The following UGT2A2 variants were observed in gnomAD, a reference collection of about 807,000 sequenced individuals.
UGT2A2 encodes UDP-glucuronosyltransferase 2A2.
UGT2A2 carries 60 observed loss-of-function variants against 50.7 expected under a neutral mutation model. The observed-to-expected ratio is 1.18, with a 90% CI of 0.96 to 1.47. The LOEUF (loss-of-function observed/expected upper bound fraction) is 1.47. UGT2A2 is among the 40% of genes most tolerant of loss of function. The probability of loss-of-function intolerance (pLI) is 0.00; values close to 1 mark genes in which losing one functional copy is unlikely to be tolerated. For missense variants in UGT2A2, 762 were observed against 634.0 expected (o/e 1.20, Z -2.17); for synonymous variants, 242 against 214.6 (o/e 1.13, Z -1.11).
chr4:69,589,751 T>C (rs1718483992), intron 5 of UGT2A2, 100 bp from the exon 6 acceptor site: 1 of 1,460,206 alleles, frequency 6.8e-7, no homozygotes, highest in East Asian at 2.3e-5. Context: ...TTTAAGGCCA[T>C]AGTTACGTGG....
In UGT2A2 at chr4:69,639,562, C is replaced by G. The variant is rs1432081771; in HGVS notation, c.79G>C (p.Val27Leu). The change falls in exon 1 of 6, where the codon GTT (valine) becomes CTT (leucine). Residue 27 changes from valine (V) to leucine (L), a missense_variant. Physicochemically the swap from Val to Leu is conservative, Grantham distance 32. Coordinates refer to ENST00000604629, the MANE Select transcript of UGT2A2 (RefSeq NM_001105677.2). ...CAAATTAACACATTCCCACTTAGAA[C>G]AACTTCAGTCAGAGTCAAATTAAAA... The part of the protein sequence containing the change: ...LVFNLTLTEV[V>L]LSGNVLIWPT... 2 of 1,611,816 alleles carry G rather than the reference C, an allele frequency of 1.2e-6. No individual in the cohort carries two copies. Among genetic ancestry groups the G allele is most frequent in the South Asian group, 2.2e-5 (2 of 90,558 alleles).
chr4:69,599,521 TATC>T (rs1174006460), intron 1 of UGT2A2, 127 bp from the exon 2 acceptor site: 1 of 1,317,000 alleles, frequency 7.6e-7, no homozygotes, highest in East Asian at 2.5e-5. Context: ...CTAGAATACT[TATC>T]ATGTTTATAT....
rs1399967070 is a variant in UGT2A2, at chr4:69,639,281, T to C, written c.360A>G (p.Leu120=). ...GAAAGAAAGTGTCTAGAAGTTTTCC[T>C]AGTTCTTTGTAGAAAGCCCATATTG... ...PLTIWAFYKE[L]GKLLDTFFQI... is the part of the protein sequence containing the mutation. The change falls in exon 1 of 6, where the codon CTA becomes CTG. Residue 120 remains leucine, a synonymous_variant. Coordinates refer to ENST00000604629, the MANE Select transcript of UGT2A2 (RefSeq NM_001105677.2). 1.2e-6 allele frequency: 2 copies of C among 1,613,748 alleles called. No individual in the cohort carries two copies. The highest frequency in any genetic ancestry group is 1.7e-6 in the Non-Finnish European group (2 of 1,179,758).
intron 1 of UGT2A2, among the ~76,000 whole-genome samples, chr4:69,615,033 C>A (rs1560479833): frequency 6.6e-6 from 1 of 151,900 alleles, no homozygotes; most frequent in Non-Finnish European, 1.5e-5. Flanking sequence ...TGAGAACTCA[C>A]TATCACAAGA....
intron 1 of UGT2A2, among the ~76,000 whole-genome samples, chr4:69,607,750 G>C (rs2109909180): frequency 6.6e-6 from 1 of 152,292 alleles, no homozygotes; most frequent in South Asian, 2.1e-4. Flanking sequence ...CCATCAACAA[G>C]TGGGTGAAGG....
chr4:69,603,645 T>C (rs1378848543), intron 1 of UGT2A2: 2 of 135,506 alleles, frequency 1.5e-5, no homozygotes, highest in Non-Finnish European at 3.1e-5. Flanking sequence ...TTCAAACCCA[T>C]GGCAAAGAGG....
intron 1 of UGT2A2, among the ~76,000 whole-genome samples, chr4:69,632,519 A>G (rs1721442274): frequency 6.6e-6 from 1 of 152,178 alleles, no homozygotes; most frequent in Non-Finnish European, 1.5e-5. Context: ...ATGACCAACT[A>G]AAAACAGGAG....
intron 1 of UGT2A2, among the ~76,000 whole-genome samples, chr4:69,612,762 A>G (rs914350527): frequency 6.6e-6 from 1 of 152,050 alleles, no homozygotes; most frequent in African/African-American, 2.4e-5. Context: ...GGAAGACCTC[A>G]AAGTATAAAA....
At chr4:69,623,505 C>A (rs1720873378) in intron 1 of UGT2A2, among the ~76,000 whole-genome samples, 1 of 151,402 alleles carries the variant, frequency 6.6e-6, no homozygotes, top group South Asian at 2.1e-4. Context: ...AAAAAAATAG[C>A]ATAATATTTA....
intron 5 of UGT2A2, 98 bp downstream of exon 5, chr4:69,594,379 T>C (rs1356500181): frequency 4.1e-6 from 6 of 1,458,730 alleles, no homozygotes; most frequent in Admixed American, 4.5e-5. Flanking sequence ...TGGTTGTTAT[T>C]GGAAAATAAT....
At chr4:69,622,955 C>T (rs868521090) in intron 1 of UGT2A2, among the ~76,000 whole-genome samples, 1 of 151,820 alleles carries the variant, frequency 6.6e-6, no homozygotes, top group African/African-American at 2.4e-5. Context: ...AGTCCACCCA[C>T]TTGCTATGGG....
intron 1 of UGT2A2, among the ~76,000 whole-genome samples, chr4:69,611,044 A>G (rs2109916558): frequency 6.6e-6 from 1 of 152,346 alleles, no homozygotes; most frequent in South Asian, 2.1e-4. Context: ...AAAATTAGAA[A>G]GCAAAACCAT....
At chr4:69,633,994 T>C (rs2109959966) in intron 1 of UGT2A2, among the ~76,000 whole-genome samples, 1 of 152,096 alleles carries the variant, frequency 6.6e-6, no homozygotes, top group East Asian at 1.9e-4. Context: ...GCCTGTAATC[T>C]CAGCACTTTG....
intron 2 of UGT2A2, among the ~76,000 whole-genome samples, chr4:69,597,579 G>A (rs748555943): frequency 6.6e-6 from 1 of 152,104 alleles, no homozygotes; most frequent in African/African-American, 2.4e-5. Context: ...AAATAACTAG[G>A]GGAGGGTGAT....
At chr4:69,602,353 T>C (rs1430346074) in intron 1 of UGT2A2, among the ~76,000 whole-genome samples, 1 of 137,418 alleles carries the variant, frequency 7.3e-6, no homozygotes, top group African/African-American at 2.9e-5. Flanking sequence ...AGCATTCTTA[T>C]CAAGACGAAA....
At chr4:69,626,245 T>C (rs765793317) in intron 1 of UGT2A2, among the ~76,000 whole-genome samples, 10 of 151,532 alleles carry the variant, frequency 6.6e-5, no homozygotes, top group Non-Finnish European at 1.5e-4. Flanking sequence ...TTAAGTTTAT[T>C]AGATCACATT....
rs1721907458 is a variant in UGT2A2, at chr4:69,639,216, G to C, written c.425C>G (p.Pro142Arg). The stretch of plus-strand genomic sequence containing the variant: ...TTTCTGAAGTCTTGCCATCAACTTT[G>C]GGTTCTTTAGTACACCATCACAGAG... ...IQLCDGVLKN[P>R]KLMARLQKGG... The change falls in exon 1 of 6, where the codon CCA becomes CGA. Residue 142 changes from proline (P) to arginine (R), a missense_variant. By Grantham distance (103) the Pro-to-Arg change is moderately radical (BLOSUM62 -2). Transcript: ENST00000604629. 1 of 1,613,612 alleles carries C rather than the reference G, an allele frequency of 6.2e-7. No individual in the cohort carries two copies. The highest frequency in any genetic ancestry group is 8.5e-7 in the Non-Finnish European group (1 of 1,179,742).
intron 1 of UGT2A2, among the ~76,000 whole-genome samples, chr4:69,618,435 T>C (rs190608909): frequency 5.9e-5 from 9 of 152,060 alleles, no homozygotes; most frequent in African/African-American, 1.9e-4. Context: ...AGCACAAAAA[T>C]GTCTTGGTGA....
At chr4:69,627,942 G>T (rs1055151153) in intron 1 of UGT2A2, among the ~76,000 whole-genome samples, 27 of 151,734 alleles carry the variant, frequency 1.8e-4, no homozygotes, top group African/African-American at 2.4e-5. Flanking sequence ...TATGTCTTAC[G>T]AATATTCACT....
Sources: allele counts gnomAD v4.1 joint callset (sites outside exome capture counted in the v4.1 genomes callset), GRCh38; gene constraint gnomAD v4.1.1; transcripts MANE v1.5; gene names NCBI Gene and HGNC (gene_info 2026-07-23, HGNC 2026-07-21).